DPYD: variants seen among roughly 807,000 people sequenced by gnomAD.
The protein encoded by DPYD is dihydropyrimidine dehydrogenase, also known as dihydropyrimidine dehydrogenase [NADP(+)].
DPYD carries 109 observed loss-of-function variants against 116.2 expected under a neutral mutation model. The ratio of observed to expected loss-of-function variants is 0.94; its 90% CI spans 0.80 to 1.10. The LOEUF is 1.10. Among genes scored for constraint, DPYD ranks in the 50% least tolerant of loss-of-function variants. The probability of loss-of-function intolerance (pLI) is 0.00; values close to 1 mark genes in which losing one functional copy is unlikely to be tolerated. For synonymous variants in DPYD, 440 were observed against 432.0 expected (o/e 1.02, Z -0.23); for missense variants, 1,302 against 1,254.5 (o/e 1.04, Z -0.57).
At chr1:97,567,578 A>C (rs561954444) in intron 11 of DPYD, among the ~76,000 whole-genome samples, 1 of 152,210 alleles carries the variant, frequency 6.6e-6, no homozygotes, top group African/African-American at 2.4e-5. Flanking sequence ...CGCTCTACTG[A>C]GCAGTGTGGT....
At chr1:97,419,398 T>C (rs1460023774) in intron 14 of DPYD, among the ~76,000 whole-genome samples, 1 of 152,194 alleles carries the variant, frequency 6.6e-6, no homozygotes, top group Non-Finnish European at 1.5e-5. Context: ...TCCCCACTTA[T>C]TACCAGGTCC....
At chr1:97,366,290 G>T (rs936309441) in intron 16 of DPYD, among the ~76,000 whole-genome samples, 3 of 152,034 alleles carry the variant, frequency 2.0e-5, no homozygotes, top group Admixed American at 2.0e-4. Context: ...TTTTTGATTA[G>T]AGATAGTTTT....
chr1:97,523,845 A>C (rs1275964582), intron 12 of DPYD, among the ~76,000 whole-genome samples: 1 of 152,140 alleles, frequency 6.6e-6, no homozygotes, highest in Non-Finnish European at 1.5e-5. Context: ...GGGGGAAATG[A>C]TAAACTATCA....
chr1:97,121,954 C>A (rs955788739), intron 20 of DPYD, among the ~76,000 whole-genome samples: 2 of 152,096 alleles, frequency 1.3e-5, no homozygotes, highest in Admixed American at 6.6e-5. Context: ...GGGAAGTTTA[C>A]ATACATGTTT....
At chr1:97,376,887 G>GTGTGTGTGTGTGTGTGTGTA in intron 15 of DPYD, among the ~76,000 whole-genome samples, 2 of 128,446 alleles carry the variant, frequency 1.6e-5, no homozygotes, top group Non-Finnish European at 1.7e-5. Context: ...GTGTGTGTGT[G>GTGTGTGTGTGTGTGTGTGTA]TATATATATA....
chr1:97,662,481 A>C (rs1017488075), intron 8 of DPYD, among the ~76,000 whole-genome samples: 1 of 151,850 alleles, frequency 6.6e-6, no homozygotes, highest in Non-Finnish European at 1.5e-5. Context: ...AAATACAAAA[A>C]AATTAGCCAG....
At chr1:97,509,975 T>C (rs1374004879) in intron 13 of DPYD, among the ~76,000 whole-genome samples, 5 of 151,878 alleles carry the variant, frequency 3.3e-5, no homozygotes, top group Admixed American at 1.3e-4. Context: ...CACCATGAGT[T>C]AGGATTAAAA....
At chr1:97,451,187 C>T (rs570975668) in intron 13 of DPYD, among the ~76,000 whole-genome samples, 5 of 152,074 alleles carry the variant, frequency 3.3e-5, no homozygotes, top group Non-Finnish European at 5.9e-5. Context: ...AAACAATTAG[C>T]GTAATAGGCA....
At chr1:97,302,466 C>T (rs950206799) in intron 18 of DPYD, among the ~76,000 whole-genome samples, 2 of 151,710 alleles carry the variant, frequency 1.3e-5, no homozygotes, top group African/African-American at 4.8e-5. Flanking sequence ...TTAAGCACCG[C>T]CCCCCAGAGT....
At chr1:97,511,092 G>A (rs112995178) in intron 13 of DPYD, among the ~76,000 whole-genome samples, 5 of 151,898 alleles carry the variant, frequency 3.3e-5, no homozygotes, top group African/African-American at 7.2e-5. Flanking sequence ...CTGACACCCT[G>A]TGAAGTAGGA....
chr1:97,121,075 G>T (rs543680733), intron 20 of DPYD, among the ~76,000 whole-genome samples: 13 of 152,258 alleles, frequency 8.5e-5, no homozygotes, highest in Non-Finnish European at 1.5e-4. Flanking sequence ...GAATAAGCCA[G>T]GGATAGAAAC....
In DPYD at chr1:97,482,117, C is replaced by T. The variant is rs569501561; in HGVS notation, c.1741-31894G>A. On this transcript the variant is annotated intron_variant, in intron 13 of 22. Transcript: ENST00000370192. ...GTCAACTTGACAACAATTGAACAAG[C>T]GTAGTGCTGGTATTGAAAGAGGAGT... 2.6e-5 allele frequency among the ~76,000 whole-genome samples: 4 copies of T among 152,168 alleles called. 1 individual carries two copies. The highest frequency in any genetic ancestry group is 7.2e-5 in the African/African-American group (3 of 41,508).
intron 16 of DPYD, among the ~76,000 whole-genome samples, chr1:97,357,212 A>T (rs1484887011): frequency 6.6e-6 from 1 of 152,138 alleles, no homozygotes; most frequent in Non-Finnish European, 1.5e-5. Flanking sequence ...TACAGTTTTT[A>T]GTATATGGGT....
intron 20 of DPYD, among the ~76,000 whole-genome samples, chr1:97,157,261 T>C (rs1655537232): frequency 6.6e-6 from 1 of 151,860 alleles, no homozygotes; most frequent in Non-Finnish European, 1.5e-5. Context: ...AAACTTAAAG[T>C]ATAATAATAA....
intron 21 of DPYD, among the ~76,000 whole-genome samples, chr1:97,094,598 A>C (rs540939043): frequency 2.1e-4 from 32 of 152,252 alleles, no homozygotes; most frequent in African/African-American, 7.2e-4. Context: ...GAGGAAGAGC[A>C]GGTTTGGAAG....
intron 16 of DPYD, among the ~76,000 whole-genome samples, chr1:97,333,813 C>T (rs1669154273): frequency 6.6e-6 from 1 of 152,144 alleles, no homozygotes; most frequent in Admixed American, 6.5e-5. Context: ...AGCCACCGCA[C>T]CCAGCTGAAT....
chr1:97,500,418 G>A (rs528803999), intron 13 of DPYD, among the ~76,000 whole-genome samples: 1 of 152,000 alleles, frequency 6.6e-6, no homozygotes, highest in South Asian at 2.1e-4. Flanking sequence ...ATGATTCACA[G>A]TGATATATAA....
At chr1:97,204,613 A>G (rs1659465351) in intron 19 of DPYD, among the ~76,000 whole-genome samples, 1 of 152,140 alleles carries the variant, frequency 6.6e-6, no homozygotes, top group African/African-American at 2.4e-5. Context: ...ACAGGAAACT[A>G]TTAGTGAAAA....
intron 20 of DPYD, among the ~76,000 whole-genome samples, chr1:97,124,742 C>A (rs1254366242): frequency 6.6e-6 from 1 of 152,108 alleles, no homozygotes; most frequent in African/African-American, 2.4e-5. Context: ...TGATCTATCC[C>A]ACCCCAAATA....
Sources: gnomAD v4.1 joint callset for allele counts (sites outside exome capture counted in the v4.1 genomes callset) on GRCh38, gnomAD v4.1.1 for gene constraint, MANE v1.5 for transcripts, NCBI Gene and HGNC (gene_info 2026-07-23, HGNC 2026-07-21) for gene names.